The following POLQ variants were observed in gnomAD, a reference collection of about 807,000 sequenced individuals.
POLQ encodes the protein DNA polymerase theta.
In POLQ, 233 loss-of-function variants were observed where a neutral mutation model predicts 259.2. The ratio of observed to expected loss-of-function variants is 0.90; its 90% CI spans 0.81 to 1.00. The LOEUF (loss-of-function observed/expected upper bound fraction) is 1.00. POLQ is among the 50% of genes least tolerant of loss of function. The pLI is 0.00. For missense variants in POLQ, 2,871 were observed against 3,051.6 expected (o/e 0.94, Z 1.39); for synonymous variants, 1,025 against 1,048.8 (o/e 0.98, Z 0.44).
At chr3:121,526,851 GTGTGTGTGCGTGTGTGTCTCTGTA>G (rs369259112) in intron 7 of POLQ, among the ~76,000 whole-genome samples, 2,108 of 144,324 alleles carry the variant, frequency 0.015, 55 homozygotes, top group African/African-American at 0.051. Context: ...TATTTCTTCT[GTGTGTGTGCGTGTGTGTCTCTGTA>G]TGTGTGTGTG....
At chr3:121,538,513 TTTCCTATC>T (rs1450776460) in intron 4 of POLQ, among the ~76,000 whole-genome samples, 1 of 151,920 alleles carries the variant, frequency 6.6e-6, no homozygotes, top group African/African-American at 2.4e-5. Flanking sequence ...TGATGTTCTT[TTTCCTATC>T]AATAAGCTGT....
intron 9 of POLQ, among the ~76,000 whole-genome samples, chr3:121,514,811 G>A (rs1211900008): frequency 6.6e-6 from 1 of 152,158 alleles, no homozygotes; most frequent in African/African-American, 2.4e-5. Context: ...CCAGGACAAA[G>A]CCAAACTGAT....
intron 12 of POLQ, among the ~76,000 whole-genome samples, chr3:121,502,986 T>C (rs2048183798): frequency 6.6e-6 from 1 of 151,950 alleles, no homozygotes; most frequent in South Asian, 2.1e-4. Flanking sequence ...AAAATTAAAA[T>C]GTTATAGTGT....
intron 16 of POLQ, 128 bp downstream of exon 16, chr3:121,487,174 C>G (rs773776606): frequency 1.9e-5 from 11 of 568,968 alleles, no homozygotes; most frequent in Non-Finnish European, 2.7e-5. Flanking sequence ...CACATAAATC[C>G]ACAGAGGAGA....
At chr3:121,540,550 TC>T (rs2108821783) in intron 3 of POLQ, among the ~76,000 whole-genome samples, 1 of 152,350 alleles carries the variant, frequency 6.6e-6, no homozygotes, top group South Asian at 2.1e-4. Context: ...CTACTATTAG[TC>T]ATTTTTGCAG....
intron 25 of POLQ, 54 bp downstream of exon 25, chr3:121,459,996 T>G: frequency 7.3e-7 from 1 of 1,374,410 alleles, no homozygotes; most frequent in Non-Finnish European, 1.0e-6. Flanking sequence ...TTTTTAATTT[T>G]TTTTGAGTCA....
At chr3:121,456,134 CAT>C (rs1171947446) in intron 25 of POLQ, among the ~76,000 whole-genome samples, 1 of 152,138 alleles carries the variant, frequency 6.6e-6, no homozygotes, top group Non-Finnish European at 1.5e-5. Context: ...AAAAAAAACA[CAT>C]GATTATCTCA....
chr3:121,451,238 C>G (rs144004433), intron 25 of POLQ, among the ~76,000 whole-genome samples: 2 of 152,170 alleles, frequency 1.3e-5, no homozygotes, highest in Admixed American at 6.5e-5. Flanking sequence ...TCCAAACTTC[C>G]TCCTTTAGCT....
In POLQ at chr3:121,487,595, T is replaced by C. The variant is rs1335018003; in HGVS notation, c.5336A>G (p.Asp1779Gly). 6 of 1,613,930 alleles carry C rather than the reference T, an allele frequency of 3.7e-6. No individual in the cohort carries two copies. Among genetic ancestry groups the C allele is most frequent in the Non-Finnish European group, 5.1e-6 (6 of 1,179,974 alleles). Residue 1779 changes from aspartate to glycine, a missense_variant, in exon 16 of 30, where the codon GAT (aspartate) becomes GGT (glycine). Asp to Gly is a moderately conservative substitution (Grantham distance 94, BLOSUM62 -1). Coordinates refer to ENST00000264233, the MANE Select transcript of POLQ (RefSeq NM_199420.4). ...TGGACTTAAATCGTGGTTTTTAATA[T>C]CTGAAGGTGAGCCAAATAAATAACT... ...GESYLFGSPS[D>G]IKNHDLSPGS...
At chr3:121,515,513 C>T (rs2048288640) in intron 9 of POLQ, among the ~76,000 whole-genome samples, 1 of 152,216 alleles carries the variant, frequency 6.6e-6, no homozygotes, top group African/African-American at 2.4e-5. Context: ...CTCTGCCTGA[C>T]TGCAGAGCTC....
chr3:121,454,626 G>C (rs1445028398), intron 25 of POLQ, among the ~76,000 whole-genome samples: 1 of 152,120 alleles, frequency 6.6e-6, no homozygotes, highest in African/African-American at 2.4e-5. Context: ...AAGATCAAAA[G>C]AGACAAAGAA....
rs576165212 is a variant in POLQ at position 121,486,843 on chromosome 3, T to C, written c.5629+459A>G. Among the ~76,000 whole-genome samples the C allele has an allele frequency of 1.1e-4, 16 of 146,304 alleles. No individual in the cohort carries two copies. In the East Asian group the frequency reaches 3.0e-3, roughly 27 times the overall value. ...AAGATCACACCACTGCACTCCAGCC[T>C]GGGCAACTGAACAAGACAAAGAAAG... On this transcript the variant is annotated intron_variant, in intron 16 of 29. Transcript: ENST00000264233.
chr3:121,501,296 CA>C (rs1413994264), intron 12 of POLQ, among the ~76,000 whole-genome samples: 1 of 151,142 alleles, frequency 6.6e-6, no homozygotes, highest in East Asian at 2.0e-4. Flanking sequence ...AGTTATTTTT[CA>C]AAAATAAAAA....
chr3:121,467,502 G>A lies in POLQ; in HGVS notation c.6967+17C>T. On this transcript the variant is annotated intron_variant, in intron 24 of 29. Transcript: ENST00000264233. ...TCTCACAGCAATGAGAAGCTTCAAA[G>A]CTATCAGCCACCTTACCTGGGAAAG... The A allele has an allele frequency of 1.2e-6, 2 of 1,612,164 alleles. No individual in the cohort carries two copies. Among genetic ancestry groups the A allele is most frequent in the Non-Finnish European group, 1.7e-6 (2 of 1,178,938 alleles).
At chr3:121,462,768 A>G (rs1037015411) in intron 24 of POLQ, among the ~76,000 whole-genome samples, 1 of 152,232 alleles carries the variant, frequency 6.6e-6, no homozygotes, top group African/African-American at 2.4e-5. Context: ...TAGACTCCAG[A>G]AAGGCCACAC....
At position 121,466,813 on chromosome 3, in the gene POLQ, G is replaced by A. The variant is rs529050296; in HGVS notation, c.6967+706C>T. Reference sequence around the variant, plus strand: ...AGTAAAACTAAAAATTGCCAAGCAGGACATGTCATCATAGGTCTGAATTCA... The same window carrying A: ...AGTAAAACTAAAAATTGCCAAGCAGAACATGTCATCATAGGTCTGAATTCA... On this transcript the variant is annotated intron_variant, in intron 24 of 29. Coordinates refer to ENST00000264233, the MANE Select transcript of POLQ (RefSeq NM_199420.4). Among the ~76,000 whole-genome samples the A allele has an allele frequency of 3.9e-5, 6 of 152,252 alleles. No individual in the cohort carries two copies. In the East Asian group the frequency reaches 1.2e-3, roughly 29 times the overall value.
At chr3:121,514,448 A>G (rs995048054) in intron 9 of POLQ, among the ~76,000 whole-genome samples, 13 of 151,958 alleles carry the variant, frequency 8.6e-5, no homozygotes, top group Admixed American at 1.3e-4. Flanking sequence ...TGCAAGATAT[A>G]GTAAGATAAA....
chr3:121,442,735 G>A (rs1048247471), intron 26 of POLQ, among the ~76,000 whole-genome samples: 2 of 152,198 alleles, frequency 1.3e-5, no homozygotes, highest in Non-Finnish European at 2.9e-5. Flanking sequence ...ATTGTGAATA[G>A]TGCTGCAATA....
chr3:121,540,600 G>T (rs891216864), intron 3 of POLQ, among the ~76,000 whole-genome samples: 2 of 152,148 alleles, frequency 1.3e-5, no homozygotes, highest in Non-Finnish European at 2.9e-5. Flanking sequence ...CTTTACCTAA[G>T]CACCAATGGA....
Sources: gnomAD v4.1 joint callset for allele counts (sites outside exome capture counted in the v4.1 genomes callset) on GRCh38, gnomAD v4.1.1 for gene constraint, MANE v1.5 for transcripts, NCBI Gene and HGNC (gene_info 2026-07-23, HGNC 2026-07-21) for gene names.